Variants in HYAL4 observed in about 807,000 individuals in gnomAD.
HYAL4 encodes the protein hyaluronidase 4.
A neutral mutation model predicts 35.2 loss-of-function variants in HYAL4; 37 were observed. The ratio of observed to expected loss-of-function variants is 1.05; its 90% CI spans 0.81 to 1.38. HYAL4 has a LOEUF of 1.38. HYAL4 is among the 40% of genes most tolerant of loss of function. The pLI is 0.00. For missense variants in HYAL4, 572 were observed against 572.4 expected (o/e 1.00, Z 0.01); for synonymous variants, 198 against 203.2 (o/e 0.97, Z 0.22).
At chr7:123,866,531 G>A (rs771259095) in intron 2 of HYAL4, among the ~76,000 whole-genome samples, 10 of 152,178 alleles carry the variant, frequency 6.6e-5, no homozygotes, top group South Asian at 4.2e-4. Context: ...GTCTGTATCC[G>A]GAGCACACAG....
chr7:123,821,943 T>C, the HYAL4 span, among the ~76,000 whole-genome samples: 2 of 152,178 alleles, frequency 1.3e-5, no homozygotes, highest in Non-Finnish European at 2.9e-5. Context: ...TTGTCAAACA[T>C]CAGTTGATCA....
the HYAL4 span, among the ~76,000 whole-genome samples, chr7:123,810,976 T>A: frequency 6.6e-6 from 1 of 152,204 alleles, no homozygotes. Flanking sequence ...CTTAATTCTC[T>A]TAGTAATATT....
At chr7:123,837,632 C>T (rs1276982541) in intron 1 of HYAL4, among the ~76,000 whole-genome samples, 2 of 151,634 alleles carry the variant, frequency 1.3e-5, no homozygotes, top group Non-Finnish European at 2.9e-5. Flanking sequence ...CCCATTAACT[C>T]GTCATTTAAC....
At chr7:123,835,087 C>G (rs1278449295) in intron 1 of HYAL4, among the ~76,000 whole-genome samples, 1 of 151,932 alleles carries the variant, frequency 6.6e-6, no homozygotes, top group Non-Finnish European at 1.5e-5. Flanking sequence ...TAGGGTGATA[C>G]TGGCTTCATA....
intron 2 of HYAL4, among the ~76,000 whole-genome samples, chr7:123,852,064 T>A (rs1806317409): frequency 6.6e-6 from 1 of 152,246 alleles, no homozygotes; most frequent in Non-Finnish European, 1.5e-5. Context: ...ATTATATCAG[T>A]TGCCCACTTT....
chr7:123,868,147 T>A, intron 2 of HYAL4, 76 bp from the exon 3 acceptor site: 1 of 465,950 alleles, frequency 2.1e-6, no homozygotes, highest in Non-Finnish European at 3.7e-6. Context: ...TAGTCATATA[T>A]AATAATAATA....
upstream of HYAL4, among the ~76,000 whole-genome samples, chr7:123,841,604 T>C (rs1806067466): frequency 6.6e-6 from 1 of 152,200 alleles, no homozygotes; most frequent in South Asian, 2.1e-4. Flanking sequence ...AGAATTCGGC[T>C]GTGAATCTGT....
At chr7:123,820,156 G>T in the HYAL4 span, among the ~76,000 whole-genome samples, 3 of 151,868 alleles carry the variant, frequency 2.0e-5, no homozygotes, top group Non-Finnish European at 4.4e-5. Flanking sequence ...GCCTCCTAAA[G>T]TGCTGGGATT....
chr7:123,796,843 A>G, the HYAL4 span, among the ~76,000 whole-genome samples: 1 of 152,252 alleles, frequency 6.6e-6, no homozygotes, highest in Non-Finnish European at 1.5e-5. Flanking sequence ...AGCCAGTCAG[A>G]AAAGACCACA....
intron 2 of HYAL4, among the ~76,000 whole-genome samples, chr7:123,858,129 C>A (rs11982352): frequency 3.9e-5 from 6 of 152,192 alleles, no homozygotes; most frequent in African/African-American, 1.4e-4. Flanking sequence ...CCCAGGAGGT[C>A]GAGGTTGTAG....
chr7:123,876,681 C>A, intron 4 of HYAL4, 73 bp from the exon 5 acceptor site: 1 of 1,470,384 alleles, frequency 6.8e-7, no homozygotes, highest in Non-Finnish European at 9.3e-7. Flanking sequence ...CAGCGAGAAA[C>A]ACTAAAATCG....
chr7:123,777,628 T>C, the HYAL4 span, among the ~76,000 whole-genome samples: 1 of 152,206 alleles, frequency 6.6e-6, no homozygotes, highest in African/African-American at 2.4e-5. Flanking sequence ...TTCCAGATGC[T>C]TAAGCACTGT....
intron 2 of HYAL4, among the ~76,000 whole-genome samples, chr7:123,864,681 G>A (rs1280139533): frequency 6.6e-6 from 1 of 151,740 alleles, no homozygotes; most frequent in Non-Finnish European, 1.5e-5. Context: ...GAAGCAAAGG[G>A]CACTTTTGGA....
the HYAL4 span, among the ~76,000 whole-genome samples, chr7:123,793,164 G>A: frequency 6.6e-6 from 1 of 152,338 alleles, no homozygotes; most frequent in Admixed American, 6.5e-5. Flanking sequence ...ACAGGAAGCT[G>A]TGCTATCCAG....
chr7:123,811,232 G>A, the HYAL4 span, among the ~76,000 whole-genome samples: 2 of 152,024 alleles, frequency 1.3e-5, no homozygotes, highest in Non-Finnish European at 2.9e-5. Flanking sequence ...GGATTGTATG[G>A]TAAGAGTATA....
upstream of HYAL4, among the ~76,000 whole-genome samples, chr7:123,840,270 C>T (rs1806031899): frequency 6.6e-6 from 1 of 152,156 alleles, no homozygotes; most frequent in Admixed American, 6.5e-5. Context: ...TTGTTTTTGT[C>T]AGGTTTGTCA....
chr7:123,846,773 G>A (rs1806183418), intron 1 of HYAL4, among the ~76,000 whole-genome samples: 1 of 152,182 alleles, frequency 6.6e-6, no homozygotes, highest in Non-Finnish European at 1.5e-5. Flanking sequence ...TATGAGACAA[G>A]GCAGAAATAG....
the HYAL4 span, chr7:123,819,542 C>T: frequency 6.6e-6 from 1 of 152,030 alleles, no homozygotes; most frequent in Non-Finnish European, 1.5e-5. Context: ...CTTACTTGAC[C>T]TTAGTGAAAT....
chr7:123,777,975 A>G, the HYAL4 span, among the ~76,000 whole-genome samples: 329 of 151,898 alleles, frequency 2.2e-3, 2 homozygotes, highest in Non-Finnish European at 3.6e-3. Context: ...TGAGAGAAAT[A>G]TTAACTGAAG....
Sources: gnomAD v4.1 joint callset for allele counts (sites outside exome capture counted in the v4.1 genomes callset) on GRCh38, gnomAD v4.1.1 for gene constraint, MANE v1.5 for transcripts, NCBI Gene and HGNC (gene_info 2026-07-23, HGNC 2026-07-21) for gene names.